CDK14: variants seen among roughly 807,000 people sequenced by gnomAD.
The protein encoded by CDK14 is cyclin-dependent kinase 14.
Under a neutral mutation model 60.7 loss-of-function variants are expected in CDK14, and 34 were observed. The observed-to-expected ratio is 0.56, with a 90% CI of 0.43 to 0.75. CDK14 has a LOEUF of 0.75. Ranked by LOEUF, CDK14 falls within the 30% of genes least tolerant of loss-of-function variation. CDK14 has a pLI of 0.00. For synonymous variants in CDK14, 197 were observed against 203.7 expected, an observed-to-expected ratio of 0.97 and a Z score of 0.28; for missense variants, 482 against 564.1, an observed-to-expected ratio of 0.85 and a Z score of 1.47.
intron 8 of CDK14, among the ~76,000 whole-genome samples, chr7:90,931,786 G>A (rs3824043): frequency 6.6e-6 from 1 of 151,014 alleles, no homozygotes; most frequent in Non-Finnish European, 1.5e-5. Flanking sequence ...GATTTTGTGT[G>A]TGTGTGTGTG....
At chr7:90,813,077 A>C (rs1156668933) in intron 5 of CDK14, among the ~76,000 whole-genome samples, 2 of 152,234 alleles carry the variant, frequency 1.3e-5, no homozygotes, top group Non-Finnish European at 2.9e-5. Context: ...AGCAGTAAAA[A>C]GGAGCTAACT....
chr7:90,950,982 A>G (rs1353919703), intron 8 of CDK14, among the ~76,000 whole-genome samples: 4 of 152,196 alleles, frequency 2.6e-5, no homozygotes, highest in African/African-American at 7.2e-5. Context: ...AAGATATTTA[A>G]TATAGTATAA....
intron 14 of CDK14, among the ~76,000 whole-genome samples, chr7:91,121,806 C>T (rs1214059351): frequency 6.6e-6 from 1 of 152,050 alleles, no homozygotes; most frequent in African/African-American, 2.4e-5. Flanking sequence ...TGGGTAAGAC[C>T]CTTCTAAAGT....
At chr7:90,724,633 T>A (rs936864256) in intron 2 of CDK14, among the ~76,000 whole-genome samples, 3 of 152,066 alleles carry the variant, frequency 2.0e-5, no homozygotes, top group Non-Finnish European at 2.9e-5. Context: ...ATTTTGTGTT[T>A]TCATTTTTAT....
At chr7:91,168,439 G>C (rs767630995) in intron 14 of CDK14, among the ~76,000 whole-genome samples, 5 of 152,150 alleles carry the variant, frequency 3.3e-5, no homozygotes, top group Non-Finnish European at 7.4e-5. Flanking sequence ...CTCTTACAGA[G>C]TTATAATTGA....
chr7:90,976,255 G>C (rs560694040), intron 9 of CDK14, among the ~76,000 whole-genome samples: 11 of 152,200 alleles, frequency 7.2e-5, no homozygotes, highest in African/African-American at 2.4e-4. Flanking sequence ...ATTTTGATGA[G>C]AATTTCCCTG....
intron 5 of CDK14, among the ~76,000 whole-genome samples, chr7:90,848,897 C>T (rs916083605): frequency 3.3e-5 from 5 of 152,092 alleles, no homozygotes; most frequent in Admixed American, 6.6e-5. Flanking sequence ...TTTGCCTATT[C>T]GTTGGCTGAA....
intron 14 of CDK14, among the ~76,000 whole-genome samples, chr7:91,127,980 G>A (rs77094899): frequency 0.03 from 4,599 of 152,100 alleles, 97 homozygotes; most frequent in Non-Finnish European, 0.051. Context: ...ATCCGAAAAC[G>A]TATTTTGTTT....
intron 4 of CDK14, among the ~76,000 whole-genome samples, chr7:90,763,622 A>G (rs536716569): frequency 7.2e-4 from 108 of 150,920 alleles, no homozygotes; most frequent in African/African-American, 2.5e-3. Context: ...CTTGAGAACA[A>G]TAAAGACACA....
intron 6 of CDK14, among the ~76,000 whole-genome samples, chr7:90,865,699 G>A (rs746177169): frequency 4.6e-5 from 7 of 152,112 alleles, no homozygotes; most frequent in Admixed American, 2.0e-4. Context: ...GACAAATATG[G>A]CCACAATAAT....
chr7:90,867,316 A>C (rs1440574597), intron 6 of CDK14, among the ~76,000 whole-genome samples: 1 of 152,208 alleles, frequency 6.6e-6, no homozygotes, highest in Non-Finnish European at 1.5e-5. Context: ...AAGTTCTAAC[A>C]AATTTTTCTT....
intron 9 of CDK14, among the ~76,000 whole-genome samples, chr7:90,969,985 G>C (rs1390720145): frequency 1.2e-5 from 1 of 86,052 alleles, no homozygotes; most frequent in African/African-American, 4.6e-5. Flanking sequence ...TTTTTTTTTT[G>C]AGATGGAGTC....
intron 5 of CDK14, among the ~76,000 whole-genome samples, chr7:90,832,211 A>G (rs1789937901): frequency 6.6e-6 from 1 of 152,152 alleles, no homozygotes; most frequent in Admixed American, 6.5e-5. Context: ...GTTTATTGTT[A>G]CAAATTTACT....
chr7:91,069,934 C>A (rs1798088780), intron 11 of CDK14, among the ~76,000 whole-genome samples: 1 of 152,158 alleles, frequency 6.6e-6, no homozygotes, highest in South Asian at 2.1e-4. Flanking sequence ...GTAGCTAGAA[C>A]TGCAGGTACA....
chr7:90,607,131 C>T (rs1039565510), intron 2 of CDK14, among the ~76,000 whole-genome samples: 5 of 152,154 alleles, frequency 3.3e-5, no homozygotes, highest in African/African-American at 1.2e-4. Context: ...TTTATCACAT[C>T]AGAAAAGAGC....
intron 2 of CDK14, among the ~76,000 whole-genome samples, chr7:90,612,771 CAAAAAA>C (rs531162992): frequency 4.4e-5 from 4 of 91,740 alleles, no homozygotes; most frequent in Admixed American, 1.2e-4. Context: ...GACTCTGTCT[CAAAAAA>C]AAAAAAAAAA....
intron 9 of CDK14, among the ~76,000 whole-genome samples, chr7:90,983,248 C>T (rs757851955): frequency 3.9e-5 from 6 of 152,290 alleles, no homozygotes; most frequent in East Asian, 1.9e-4. Context: ...AAAAGATACA[C>T]ATACTCACGT....
chr7:90,643,028 C>T (rs1800376903), intron 2 of CDK14, among the ~76,000 whole-genome samples: 1 of 152,158 alleles, frequency 6.6e-6, no homozygotes, highest in Non-Finnish European at 1.5e-5. Flanking sequence ...GAAATAATTA[C>T]AGTAGGTAAC....
At chr7:91,173,935 C>G (rs1801625128) in intron 14 of CDK14, among the ~76,000 whole-genome samples, 1 of 152,220 alleles carries the variant, frequency 6.6e-6, no homozygotes, top group Non-Finnish European at 1.5e-5. Flanking sequence ...CCAGGAAGCT[C>G]CAACTGGGTG....
Sources: gnomAD v4.1 joint callset for allele counts (sites outside exome capture counted in the v4.1 genomes callset) on GRCh38, gnomAD v4.1.1 for gene constraint, MANE v1.5 for transcripts, NCBI Gene and HGNC (gene_info 2026-07-23, HGNC 2026-07-21) for gene names.